SLC25A21: variants seen among roughly 807,000 people sequenced by gnomAD.
The protein encoded by SLC25A21 is mitochondrial 2-oxodicarboxylate carrier.
A neutral mutation model predicts 43.8 loss-of-function variants in SLC25A21; 47 were observed. The ratio of observed to expected loss-of-function variants is 1.07; its 90% CI spans 0.85 to 1.37. The LOEUF is 1.37. Among genes scored for constraint, SLC25A21 ranks in the 40% most tolerant of loss-of-function variants. The pLI, the probability that SLC25A21 is intolerant of heterozygous loss-of-function variation, is 0.00. For missense variants in SLC25A21, 352 were observed against 350.2 expected, an observed-to-expected ratio of 1.00 and a Z score of -0.04; for synonymous variants, 131 against 121.3, an observed-to-expected ratio of 1.08 and a Z score of -0.52.
intron 5 of SLC25A21, among the ~76,000 whole-genome samples, chr14:36,726,295 G>A (rs1884597421): frequency 6.6e-6 from 1 of 152,146 alleles, no homozygotes; most frequent in Non-Finnish European, 1.5e-5. Context: ...GATCAGAAAT[G>A]GCTAGATGTG....
chr14:36,747,334 C>G (rs1885539588), intron 3 of SLC25A21, among the ~76,000 whole-genome samples: 1 of 152,132 alleles, frequency 6.6e-6, no homozygotes, highest in Non-Finnish European at 1.5e-5. Flanking sequence ...GTTTACCCAG[C>G]ATGGAAAACT....
intron 1 of SLC25A21, among the ~76,000 whole-genome samples, chr14:36,960,662 A>G (rs115477744): frequency 0.016 from 2,448 of 152,158 alleles, 81 homozygotes; most frequent in African/African-American, 0.055. Flanking sequence ...AGGTGGTCTC[A>G]TTGTTATTCT....
intron 3 of SLC25A21, among the ~76,000 whole-genome samples, chr14:36,754,801 T>G (rs1261927643): frequency 6.6e-6 from 1 of 152,218 alleles, no homozygotes; most frequent in African/African-American, 2.4e-5. Flanking sequence ...TGTTATTAAT[T>G]TATCTACTTG....
At chr14:36,839,953 G>A (rs1373311720) in intron 2 of SLC25A21, among the ~76,000 whole-genome samples, 1 of 152,224 alleles carries the variant, frequency 6.6e-6, no homozygotes, top group Non-Finnish European at 1.5e-5. Context: ...CATTGTATAA[G>A]TGGTTAGTCT....
chr14:36,842,850 G>A (rs1244723769), intron 2 of SLC25A21, among the ~76,000 whole-genome samples: 2 of 152,100 alleles, frequency 1.3e-5, no homozygotes, highest in Admixed American at 6.5e-5. Context: ...CTATGGCAGC[G>A]GTCCCAAAAC....
chr14:37,134,660 A>G (rs564767661), intron 1 of SLC25A21, among the ~76,000 whole-genome samples: 11 of 151,510 alleles, frequency 7.3e-5, no homozygotes, highest in Non-Finnish European at 1.2e-4. Flanking sequence ...AAAAAAAAAA[A>G]AAAGAAAGAA....
chr14:36,942,783 A>C (rs955056329), intron 1 of SLC25A21, among the ~76,000 whole-genome samples: 13 of 152,206 alleles, frequency 8.5e-5, no homozygotes, highest in Admixed American at 6.5e-5. Context: ...GCTGTTTGTG[A>C]AGTTCAGTCT....
chr14:37,061,084 A>C (rs1400359816), intron 1 of SLC25A21, among the ~76,000 whole-genome samples: 1 of 152,174 alleles, frequency 6.6e-6, no homozygotes, highest in Non-Finnish European at 1.5e-5. Flanking sequence ...TCCCTGCTGG[A>C]GCAAGGACAG....
chr14:36,857,877 A>G (rs956238274), intron 2 of SLC25A21, among the ~76,000 whole-genome samples: 2 of 152,224 alleles, frequency 1.3e-5, no homozygotes, highest in Admixed American at 6.5e-5. Flanking sequence ...GCAAGTGAAC[A>G]TTGCAATTAA....
intron 1 of SLC25A21, among the ~76,000 whole-genome samples, chr14:37,043,595 G>A (rs1961520467): frequency 6.6e-6 from 1 of 152,114 alleles, no homozygotes; most frequent in Non-Finnish European, 1.5e-5. Flanking sequence ...CCATCTTGCA[G>A]GAAGCTTGCC....
intron 2 of SLC25A21, among the ~76,000 whole-genome samples, chr14:36,857,388 C>G (rs529962721): frequency 1.5e-3 from 224 of 152,324 alleles, no homozygotes; most frequent in Middle Eastern, 6.8e-3. Flanking sequence ...GATCCCATTA[C>G]TGACTGCCCG....
chr14:37,008,984 T>G (rs1040808891), intron 1 of SLC25A21, among the ~76,000 whole-genome samples: 1 of 152,136 alleles, frequency 6.6e-6, no homozygotes, highest in Non-Finnish European at 1.5e-5. Flanking sequence ...AGAAAGTGCA[T>G]GGGAATAAAT....
intron 1 of SLC25A21, among the ~76,000 whole-genome samples, chr14:36,956,202 G>A (rs1008590304): frequency 7.2e-5 from 11 of 152,080 alleles, no homozygotes; most frequent in South Asian, 4.1e-4. Flanking sequence ...TTCTCTCCCC[G>A]AATACTGACA....
rs1466396304 is a variant in SLC25A21 at position 36,973,807 on chromosome 14, G to A, written c.71-98803C>T. ...ATGAGCTGAAAGCTCACAGGAAAAG[G>A]GGGAAAGAAAACAGCAAGATAATTC... On this transcript the variant is annotated intron_variant, in intron 1 of 9. Transcript: ENST00000331299. 2.6e-5 allele frequency among the ~76,000 whole-genome samples: 4 copies of A among 152,162 alleles called. No individual in the cohort carries two copies. The East Asian group carries it at 7.7e-4, about 29-fold the overall frequency.
Position 36,680,564 on chromosome 14 carries a change from A to G in SLC25A21, c.*94T>C. ...GTTCTTGAACAGTTTTCTCCTTCATAATTATACACCTGGCCGATCGATAGT... is the reference window on the plus strand; with the variant it reads ...GTTCTTGAACAGTTTTCTCCTTCATGATTATACACCTGGCCGATCGATAGT... On this transcript the variant is annotated 3_prime_UTR_variant, in exon 10 of 10. Coordinates refer to ENST00000331299, the MANE Select transcript of SLC25A21 (RefSeq NM_030631.4). 1 of 1,459,812 alleles carries G rather than the reference A, an allele frequency of 6.9e-7. No individual in the cohort carries two copies. Among genetic ancestry groups the G allele is most frequent in the East Asian group, 2.5e-5 (1 of 40,018 alleles). 90.4% of individuals were successfully genotyped at this position (1,459,812 alleles called of 1,614,324 possible). A position where few individuals can be genotyped will look rare whatever the true frequency, so the allele number is the denominator to read the frequency against.
chr14:36,868,282 C>T (rs1029060094), intron 2 of SLC25A21, among the ~76,000 whole-genome samples: 1 of 152,126 alleles, frequency 6.6e-6, no homozygotes, highest in African/African-American at 2.4e-5. Flanking sequence ...CACAATTATA[C>T]ACACAGCTCT....
At chr14:37,168,127 T>G (rs1297148094) in intron 1 of SLC25A21, among the ~76,000 whole-genome samples, 2 of 152,098 alleles carry the variant, frequency 1.3e-5, no homozygotes, top group Non-Finnish European at 2.9e-5. Context: ...TACTCCTTCC[T>G]GCAGCTCATC....
intron 3 of SLC25A21, among the ~76,000 whole-genome samples, chr14:36,744,526 C>T (rs977824602): frequency 1.5e-5 from 2 of 133,204 alleles, no homozygotes; most frequent in Admixed American, 7.3e-5. Flanking sequence ...TCACCATATA[C>T]AAAAATCAAC....
At chr14:37,141,028 C>G (rs1221879151) in intron 1 of SLC25A21, among the ~76,000 whole-genome samples, 2 of 152,084 alleles carry the variant, frequency 1.3e-5, no homozygotes, top group African/African-American at 4.8e-5. Flanking sequence ...GGCTTGTAAT[C>G]CCAGTTACTT....
Sources: gnomAD v4.1 joint callset for allele counts (sites outside exome capture counted in the v4.1 genomes callset) on GRCh38, gnomAD v4.1.1 for gene constraint, MANE v1.5 for transcripts, NCBI Gene and HGNC (gene_info 2026-07-23, HGNC 2026-07-21) for gene names.